Variants in SPICE1 observed in about 807,000 individuals in gnomAD.
SPICE1 encodes the protein spindle and centriole associated protein 1, also known as spindle and centriole-associated protein 1.
Under a neutral mutation model 102.7 loss-of-function variants are expected in SPICE1, and 75 were observed. The ratio of observed to expected loss-of-function variants is 0.73; its 90% CI spans 0.61 to 0.88. SPICE1 has a LOEUF of 0.88. SPICE1 is among the 40% of genes least tolerant of loss of function. The probability of loss-of-function intolerance (pLI) is 0.00; values close to 1 mark genes in which losing one functional copy is unlikely to be tolerated. For synonymous variants in SPICE1, 308 were observed against 350.3 expected, an observed-to-expected ratio of 0.88 and a Z score of 1.35; for missense variants, 979 against 1,020.1, an observed-to-expected ratio of 0.96 and a Z score of 0.55.
intron 7 of SPICE1, among the ~76,000 whole-genome samples, chr3:113,471,603 T>C (rs189986439): frequency 1.7e-3 from 254 of 152,332 alleles, no homozygotes; most frequent in Non-Finnish European, 2.5e-3. Context: ...ACTTGTGGGA[T>C]ATTTAATATA....
chr3:113,497,952 C>T (rs1015209215), intron 4 of SPICE1, among the ~76,000 whole-genome samples: 1 of 151,568 alleles, frequency 6.6e-6, no homozygotes, highest in Non-Finnish European at 1.5e-5. Flanking sequence ...TCTCGGCTCA[C>T]TGCAACCTCC....
intron 7 of SPICE1, among the ~76,000 whole-genome samples, chr3:113,480,034 A>C (rs1052698919): frequency 2.0e-5 from 3 of 152,122 alleles, no homozygotes; most frequent in Non-Finnish European, 4.4e-5. Context: ...TAAATGATTG[A>C]GGAGAACAAG....
In SPICE1 at chr3:113,443,676, C is replaced by G. The variant is rs1935446103; in HGVS notation, c.*1631G>C. ...AACAGGTTTACTCTCCAACAAGAGG[C>G]AGCACAGCATAGGCTTTGGAGAAAG... On this transcript the variant is annotated 3_prime_UTR_variant, in exon 18 of 18. Transcript: ENST00000295872. The G allele has an allele frequency of 6.6e-6, 1 of 152,236 alleles. No individual in the cohort carries two copies. The highest frequency in any genetic ancestry group is 2.1e-4 in the South Asian group (1 of 4,838). 9.4% of individuals were successfully genotyped at this position (152,236 alleles called of 1,614,324 possible). A position where few individuals can be genotyped will look rare whatever the true frequency, so the allele number is the denominator to read the frequency against.
chr3:113,453,246 T>C (rs1340168127), intron 14 of SPICE1, among the ~76,000 whole-genome samples: 3 of 152,232 alleles, frequency 2.0e-5, no homozygotes, highest in Admixed American at 6.5e-5. Context: ...CTTTGTCCTA[T>C]TTTCATTTAT....
At chr3:113,482,200 A>T (rs1388514951) in intron 7 of SPICE1, among the ~76,000 whole-genome samples, 1 of 152,194 alleles carries the variant, frequency 6.6e-6, no homozygotes, top group Non-Finnish European at 1.5e-5. Flanking sequence ...TTTTGGCTGC[A>T]TAAATGTCTT....
intron 14 of SPICE1, among the ~76,000 whole-genome samples, chr3:113,451,465 TAATA>T (rs546754890): frequency 6.6e-5 from 10 of 152,042 alleles, no homozygotes; most frequent in Admixed American, 1.3e-4. Context: ...TGTCTATTAG[TAATA>T]AATAAATAAA....
chr3:113,458,605 C>G (rs189581638), intron 12 of SPICE1, among the ~76,000 whole-genome samples: 1 of 152,128 alleles, frequency 6.6e-6, no homozygotes, highest in Non-Finnish European at 1.5e-5. Flanking sequence ...CCCAAAGTGC[C>G]GAGATTGCAG....
intron 12 of SPICE1, 26 bp from the exon 13 acceptor site, chr3:113,457,383 A>G: frequency 6.2e-7 from 1 of 1,606,602 alleles, no homozygotes; most frequent in Non-Finnish European, 8.5e-7. Context: ...GGATATTAGT[A>G]CAATAGGAAC....
intron 6 of SPICE1, among the ~76,000 whole-genome samples, chr3:113,491,954 G>A (rs1419613158): frequency 6.6e-6 from 1 of 152,180 alleles, no homozygotes; most frequent in Non-Finnish European, 1.5e-5. Context: ...CCATGTTGCT[G>A]GGATACATCG....
chr3:113,484,133 A>G (rs1203374601), intron 7 of SPICE1, among the ~76,000 whole-genome samples: 1 of 152,088 alleles, frequency 6.6e-6, no homozygotes, highest in Non-Finnish European at 1.5e-5. Flanking sequence ...GAATTTATCC[A>G]TTTCTTCTAG....
chr3:113,475,552 C>T (rs574146838), intron 7 of SPICE1, among the ~76,000 whole-genome samples: 8 of 151,824 alleles, frequency 5.3e-5, no homozygotes, highest in Non-Finnish European at 1.0e-4. Context: ...ACTGGCAAAC[C>T]GAATCCAGCA....
intron 7 of SPICE1, among the ~76,000 whole-genome samples, chr3:113,486,960 G>C (rs913025886): frequency 6.6e-6 from 1 of 151,684 alleles, no homozygotes; most frequent in Non-Finnish European, 1.5e-5. Flanking sequence ...ACAAGGGTAA[G>C]TGTAGACGGG....
intron 1 of SPICE1, among the ~76,000 whole-genome samples, chr3:113,510,533 A>G (rs1937200245): frequency 6.6e-6 from 1 of 152,206 alleles, no homozygotes; most frequent in African/African-American, 2.4e-5. Flanking sequence ...AGGATTCCCT[A>G]CTTAATAGTG....
chr3:113,453,395 T>G (rs1935702515), intron 14 of SPICE1, 71 bp downstream of exon 14: 5 of 1,515,496 alleles, frequency 3.3e-6, no homozygotes, highest in Non-Finnish European at 3.5e-6. Context: ...AAGAAGTTTC[T>G]TAAGTTGCCC....
At chr3:113,483,572 A>G (rs1294373454) in intron 7 of SPICE1, among the ~76,000 whole-genome samples, 1 of 151,904 alleles carries the variant, frequency 6.6e-6, no homozygotes, top group African/African-American at 2.4e-5. Context: ...TAGTTTATTG[A>G]ATTTTTAGCA....
chr3:113,462,706 G>C (rs938053661), intron 11 of SPICE1, among the ~76,000 whole-genome samples: 1 of 152,244 alleles, frequency 6.6e-6, no homozygotes, highest in South Asian at 2.1e-4. Flanking sequence ...AACTTAGTAA[G>C]TAGAACTGTT....
chr3:113,512,737 GC>G (rs1455970011), intron 1 of SPICE1, among the ~76,000 whole-genome samples: 1 of 151,846 alleles, frequency 6.6e-6, no homozygotes, highest in Non-Finnish European at 1.5e-5. Flanking sequence ...TTCTTCACAG[GC>G]TCTATTGTCC....
intron 3 of SPICE1, among the ~76,000 whole-genome samples, chr3:113,502,046 T>C (rs1202052270): frequency 1.3e-5 from 2 of 152,188 alleles, no homozygotes; most frequent in Admixed American, 6.5e-5. Flanking sequence ...GGTAGATCCA[T>C]ACAATGGAAT....
chr3:113,474,395 C>A (rs1480060924), intron 7 of SPICE1, among the ~76,000 whole-genome samples: 2 of 152,156 alleles, frequency 1.3e-5, no homozygotes, highest in African/African-American at 2.4e-5. Flanking sequence ...AGAAAGTCAA[C>A]AAGGATACCC....
Sources: allele counts gnomAD v4.1 joint callset (sites outside exome capture counted in the v4.1 genomes callset), GRCh38; gene constraint gnomAD v4.1.1; transcripts MANE v1.5; gene names NCBI Gene and HGNC (gene_info 2026-07-23, HGNC 2026-07-21).